Variants in CYREN observed in about 807,000 individuals in gnomAD.
The protein encoded by CYREN is cell cycle regulator of NHEJ.
Under a neutral mutation model 9.7 loss-of-function variants are expected in CYREN, and 7 were observed. The ratio of observed to expected loss-of-function variants is 0.72; its 90% CI spans 0.41 to 1.36. The LOEUF is 1.36. CYREN is among the 40% of genes most tolerant of loss of function. CYREN has a pLI of 0.01. For missense variants in CYREN, 215 were observed against 198.1 expected (o/e 1.09, Z -0.51); for synonymous variants, 76 against 77.9 (o/e 0.98, Z 0.13).
chr7:135,109,301 C>T (rs926948396), intron 2 of CYREN, among the ~76,000 whole-genome samples: 10 of 152,196 alleles, frequency 6.6e-5, no homozygotes, highest in Non-Finnish European at 1.5e-4. Context: ...GGAGGCAGCA[C>T]GGGTGAGGGC....
At chr7:135,099,339 C>T (rs1823409563) in intron 2 of CYREN, among the ~76,000 whole-genome samples, 1 of 152,052 alleles carries the variant, frequency 6.6e-6, no homozygotes. Flanking sequence ...AATTTAAAGG[C>T]TTCCAGGGGA....
chr7:135,162,725 T>C (rs1450543929), downstream of CYREN, among the ~76,000 whole-genome samples: 1 of 152,202 alleles, frequency 6.6e-6, no homozygotes, highest in East Asian at 1.9e-4. Context: ...ATGGGAGCTA[T>C]AATTCAAGAT....
intron 2 of CYREN, among the ~76,000 whole-genome samples, chr7:135,157,331 A>G (rs1346772315): frequency 1.3e-5 from 2 of 152,218 alleles, no homozygotes; most frequent in Non-Finnish European, 2.9e-5. Flanking sequence ...CTTCTTCGGC[A>G]TAGGGTCAGT....
downstream of CYREN, chr7:135,164,482 T>C: frequency 6.2e-7 from 1 of 1,605,072 alleles, no homozygotes; most frequent in Non-Finnish European, 8.5e-7. Context: ...CAGCTGCTGT[T>C]CATGAGCATC....
At chr7:135,142,572 G>A (rs1428501793) in intron 2 of CYREN, among the ~76,000 whole-genome samples, 2 of 152,076 alleles carry the variant, frequency 1.3e-5, no homozygotes, top group African/African-American at 4.8e-5. Context: ...TGTAGAAAAT[G>A]CAAGGAAATC....
intron 2 of CYREN, among the ~76,000 whole-genome samples, chr7:135,109,865 C>T (rs1441664615): frequency 6.6e-6 from 1 of 152,100 alleles, no homozygotes; most frequent in Non-Finnish European, 1.5e-5. Flanking sequence ...ATAGCAAAGA[C>T]GGTGGCCCAT....
At chr7:135,126,491 T>C (rs758354078) in intron 2 of CYREN, among the ~76,000 whole-genome samples, 1 of 152,164 alleles carries the variant, frequency 6.6e-6, no homozygotes, top group Non-Finnish European at 1.5e-5. Flanking sequence ...TCAACACTTT[T>C]CCCATCAAAC....
chr7:135,144,937 G>GGAAAAAAAAA (rs1562919150), intron 2 of CYREN, among the ~76,000 whole-genome samples: 1 of 2,076 alleles, frequency 4.8e-4, no homozygotes, highest in Non-Finnish European at 9.8e-4. Context: ...TCTCAAAAGA[G>GGAAAAAAAAA]TAAAAAAAAA....
downstream of CYREN, among the ~76,000 whole-genome samples, chr7:135,161,693 C>G (rs140861694): frequency 6.6e-6 from 1 of 152,180 alleles, no homozygotes; most frequent in Admixed American, 6.5e-5. The surrounding 1 kb of genome is among the most constrained non-coding windows in gnomAD (Gnocchi z 4.1). Context: ...TAATTCCTTC[C>G]GTAACAAGCA....
At chr7:135,159,365 CTCTT>C (rs1442107696) in intron 2 of CYREN, among the ~76,000 whole-genome samples, 5 of 152,334 alleles carry the variant, frequency 3.3e-5, no homozygotes, top group Middle Eastern at 3.4e-3. Context: ...ATATTTGTGT[CTCTT>C]TCAGCCGCCA....
chr7:135,164,771 G>A (rs767560540), downstream of CYREN: 1 of 1,614,224 alleles, frequency 6.2e-7, no homozygotes, highest in Admixed American at 1.7e-5. Flanking sequence ...ACAGTGATGA[G>A]AGAGCGTGGC....
intron 2 of CYREN, among the ~76,000 whole-genome samples, chr7:135,118,631 T>C (rs1826661534): frequency 6.6e-6 from 1 of 152,206 alleles, no homozygotes; most frequent in Non-Finnish European, 1.5e-5. Context: ...AATAAATTCT[T>C]GTACCAAGAA....
chr7:135,150,723 A>G (rs921398708), intron 2 of CYREN, among the ~76,000 whole-genome samples: 2 of 152,194 alleles, frequency 1.3e-5, no homozygotes, highest in Non-Finnish European at 2.9e-5. Context: ...AACAGAAACC[A>G]AATGAGATTA....
In CYREN at chr7:135,166,372, A is replaced by G; in HGVS notation, c.*239T>C. The stretch of plus-strand genomic sequence containing the variant: ...AGCCAGGAGAGGGCACAGTACATAC[A>G]GAGGGAGTCAAATGGGATCTCATTT... On this transcript the variant is annotated 3_prime_UTR_variant, in exon 4 of 4. Transcript: ENST00000393114. 2 of 519,174 alleles carry G rather than the reference A, an allele frequency of 3.9e-6. No homozygotes were observed. Among genetic ancestry groups the G allele is most frequent in the South Asian group, 6.2e-5 (2 of 32,350 alleles). The allele number at this position is 519,174 out of a possible 1,614,324, so 32.2% of individuals were successfully genotyped here. A position where few individuals can be genotyped will look rare whatever the true frequency, so the allele number is the denominator to read the frequency against.
chr7:135,119,218 A>T (rs1826763652), intron 2 of CYREN, among the ~76,000 whole-genome samples: 1 of 151,964 alleles, frequency 6.6e-6, no homozygotes, highest in Non-Finnish European at 1.5e-5. Context: ...TCATGCCAAG[A>T]TACCCCAAAA....
intron 2 of CYREN, chr7:135,135,351 C>T: frequency 8.4e-7 from 1 of 1,186,146 alleles, no homozygotes; most frequent in Non-Finnish European, 1.1e-6. Context: ...TCCCCTTCCC[C>T]TTTCCCTATC....
intron 2 of CYREN, among the ~76,000 whole-genome samples, chr7:135,103,339 C>T (rs537050347): frequency 1.4e-3 from 208 of 152,128 alleles, no homozygotes; most frequent in Admixed American, 3.1e-3. Flanking sequence ...TCTCTATATT[C>T]GGGAATATAG....
In CYREN at chr7:135,115,431, G is replaced by T. The variant is rs372057243; in HGVS notation, n.357-20849C>A. The stretch of plus-strand genomic sequence containing the variant: ...ATAAAAGAATGCATATCTTTCCAAA[G>T]CAAGAAGACTGGCATAAATTGGACA... On this transcript the variant is annotated intron_variant and non_coding_transcript_variant, in intron 2 of 2. Coordinates refer to the CYREN transcript ENST00000459937. 1.9e-4 allele frequency: 290 copies of T among 1,551,288 alleles called. No individual in the cohort carries two copies. The highest frequency in any genetic ancestry group is 2.4e-4 in the Non-Finnish European group (271 of 1,146,770).
intron 2 of CYREN, among the ~76,000 whole-genome samples, chr7:135,117,617 A>C (rs891227575): frequency 6.6e-6 from 1 of 152,274 alleles, no homozygotes; most frequent in Admixed American, 6.5e-5. Context: ...GAAGGTAGCC[A>C]TAAAGAACTA....
Sources: gnomAD v4.1 joint callset for allele counts (sites outside exome capture counted in the v4.1 genomes callset) on GRCh38, gnomAD v4.1.1 for gene constraint, Gnocchi (gnomAD v3.1) non-coding constraint, MANE v1.5 for transcripts, NCBI Gene and HGNC (gene_info 2026-07-23, HGNC 2026-07-21) for gene names.